Variants in PCNT observed in about 807,000 individuals in gnomAD.
PCNT encodes the protein pericentrin.
A neutral mutation model predicts 380.4 loss-of-function variants in PCNT; 319 were observed. That is an observed-to-expected ratio of 0.84 (90% CI 0.77 to 0.92). The LOEUF (loss-of-function observed/expected upper bound fraction) is 0.92. Ranked by LOEUF, PCNT falls within the 40% of genes least tolerant of loss-of-function variation. PCNT has a pLI of 0.00. For synonymous variants in PCNT, 1,845 were observed against 1,735.2 expected, an observed-to-expected ratio of 1.06 and a Z score of -1.57; for missense variants, 4,400 against 4,255.3, an observed-to-expected ratio of 1.03 and a Z score of -0.95.
intron 3 of PCNT, among the ~76,000 whole-genome samples, chr21:46,340,668 T>C (rs1001803559): frequency 6.6e-6 from 1 of 152,196 alleles, no homozygotes; most frequent in Non-Finnish European, 1.5e-5. Flanking sequence ...GCAGTGAGCC[T>C]ATCCACTTTG....
intron 2 of PCNT, among the ~76,000 whole-genome samples, chr21:46,328,365 C>T (rs1028973767): frequency 2.6e-5 from 4 of 151,678 alleles, no homozygotes; most frequent in African/African-American, 4.8e-5. Context: ...CAGGCTGAAG[C>T]GATCTTCCTG....
At chr21:46,360,087 G>A (rs149064868) in intron 13 of PCNT, among the ~76,000 whole-genome samples, 1,543 of 151,338 alleles carry the variant, frequency 0.01, 13 homozygotes, top group Middle Eastern at 0.021. Context: ...AAGCTCTTGG[G>A]CTCAAGTGAT....
Position 46,334,414 on chromosome 21 carries a change from A to C in PCNT, c.285A>C (p.Gly95=), listed in dbSNP as rs2083662781. 6.2e-7 allele frequency: 1 copy of C among 1,614,040 alleles called. No homozygotes were observed. The highest frequency in any genetic ancestry group is 1.7e-5 in the Admixed American group (1 of 59,998). The change falls in exon 3 of 47, where the codon GGA becomes GGC. Residue 95 remains glycine, a synonymous_variant. Coordinates refer to ENST00000359568, the MANE Select transcript of PCNT (RefSeq NM_006031.6). ...CTTCTTAGCCGGAGGACTGTGATGGAGAGAAGAGAGAGGACTTGGAACAGC... is the reference window on the plus strand; with the variant it reads ...CTTCTTAGCCGGAGGACTGTGATGGCGAGAAGAGAGAGGACTTGGAACAGC... ...AFAAQPEDCD[G]EKREDLEQLQ...
intron 3 of PCNT, 109 bp downstream of exon 3, chr21:46,334,877 A>G (rs2083683083): frequency 6.5e-7 from 1 of 1,539,032 alleles, no homozygotes; most frequent in Non-Finnish European, 8.9e-7. Flanking sequence ...GCCTCTCTTT[A>G]GAAGTGGAAA....
intron 9 of PCNT, among the ~76,000 whole-genome samples, chr21:46,352,681 A>G (rs2084316364): frequency 6.6e-6 from 1 of 152,226 alleles, no homozygotes. Context: ...CAGCTTACAG[A>G]AAGTCCAAGA....
chr21:46,351,360 C>A, intron 8 of PCNT, 69 bp from the exon 9 acceptor site: 1 of 852,620 alleles, frequency 1.2e-6, no homozygotes, highest in Non-Finnish European at 2.1e-6. Context: ...GATAAAACCG[C>A]ACACGTCACT....
chr21:46,363,599 G>A lies in PCNT; in HGVS notation c.2274G>A (p.Glu758=), dbSNP rs1413955829. Residue 758 remains glutamate, a synonymous_variant, in exon 14 of 47, where the codon GAG becomes GAA. Coordinates refer to ENST00000359568, the MANE Select transcript of PCNT (RefSeq NM_006031.6). The stretch of plus-strand genomic sequence containing the variant: ...CGGACTGGAAAGTTATGAAGGAGGA[G>A]CTACAGCGGGAAGCTGAGGAGAAGT... ...KETDWKVMKE[E]LQREAEEKLT... is the part of the protein sequence containing the mutation. 3 of 1,614,206 alleles carry A rather than the reference G, an allele frequency of 1.9e-6. No homozygotes were observed. The highest frequency in any genetic ancestry group is 2.2e-5 in the South Asian group (2 of 91,076).
Position 46,325,198 on chromosome 21 carries a change from C to T in PCNT, c.54+916C>T, listed in dbSNP as rs933082219. ...GCGAGGCGGAACCGCGGGAGCAGGC[C>T]GGCCTCTGCGAGGTGCGCGCCGCTC... is the stretch of plus-strand genomic sequence containing the variant. On this transcript the variant is annotated intron_variant, in intron 1 of 46. Coordinates refer to ENST00000359568, the MANE Select transcript of PCNT (RefSeq NM_006031.6). The T allele has an allele frequency of 4.1e-6, 4 of 985,306 alleles. No homozygotes were observed. In the African/African-American group the frequency reaches 5.2e-5, roughly 13 times the overall value. 61.0% of individuals were successfully genotyped at this position (985,306 alleles called of 1,614,324 possible).
At chr21:46,326,716 G>C (rs1460983522) in intron 2 of PCNT, 127 bp downstream of exon 2, 1 of 1,093,426 alleles carries the variant, frequency 9.1e-7, no homozygotes, top group Non-Finnish European at 1.4e-6. Flanking sequence ...TGTTATTTTA[G>C]TTTATAAAAA....
intron 21 of PCNT, among the ~76,000 whole-genome samples, chr21:46,395,108 G>C (rs926486498): frequency 6.6e-6 from 1 of 152,244 alleles, no homozygotes; most frequent in Non-Finnish European, 1.5e-5. Flanking sequence ...TACCGCAGCA[G>C]CATGTTTACA....
intron 37 of PCNT, chr21:46,430,894 C>T (rs531448810): frequency 3.2e-6 from 3 of 946,104 alleles, no homozygotes; most frequent in East Asian, 1.2e-4. Flanking sequence ...CTGCTCGGAG[C>T]CCCCCCCCGT....
In PCNT at chr21:46,332,957, T is replaced by TA. The variant is rs1163662180; in HGVS notation, c.268-1434dup. On this transcript the variant is annotated intron_variant, in intron 2 of 46. Coordinates refer to ENST00000359568, the MANE Select transcript of PCNT (RefSeq NM_006031.6). ...CAGAGACCCTGTCTCTACAAAAAAA[T>TA]AAAAAATAAGCTGGGCACAGTGGCG... Among the ~76,000 whole-genome samples, 3 of 151,650 alleles carry TA rather than the reference T, an allele frequency of 2.0e-5. No homozygotes were observed. The East Asian group carries it at 5.8e-4, about 29-fold the overall frequency.
At chr21:46,415,831 A>G (rs956263661) in intron 29 of PCNT, among the ~76,000 whole-genome samples, 2 of 152,156 alleles carry the variant, frequency 1.3e-5, no homozygotes, top group African/African-American at 2.4e-5. Flanking sequence ...TTTCCCTTGT[A>G]TGAAGCTTGT....
At chr21:46,348,248 TGTG>T (rs1364175976) in intron 6 of PCNT, 1 of 164,010 alleles carries the variant, frequency 6.1e-6, no homozygotes, top group Non-Finnish European at 1.3e-5. Flanking sequence ...AGGGTGACTG[TGTG>T]GATTAGGCCT....
intron 15 of PCNT, among the ~76,000 whole-genome samples, chr21:46,381,226 G>C (rs2147139068): frequency 8.3e-6 from 1 of 121,058 alleles, no homozygotes; most frequent in East Asian, 2.5e-4. Context: ...GTGTGTGTGT[G>C]TGTGTGTGTG....
At chr21:46,366,061 C>T (rs531927445) in intron 14 of PCNT, among the ~76,000 whole-genome samples, 124 of 151,334 alleles carry the variant, frequency 8.2e-4, no homozygotes, top group South Asian at 2.5e-3. Flanking sequence ...CACTCACTGC[C>T]TTGGGGTTCT....
At chr21:46,442,381 TC>T (rs991774741) in intron 43 of PCNT, 115 bp from the exon 44 acceptor site, 2 of 723,208 alleles carry the variant, frequency 2.8e-6, no homozygotes, top group Admixed American at 4.0e-5. Flanking sequence ...GGCGTCCTGG[TC>T]CCCATGGGCA....
rs151082262 is a variant in PCNT, at chr21:46,416,285, T to A, written c.6367T>A (p.Ser2123Thr). The A allele has an allele frequency of 6.2e-7, 1 of 1,613,966 alleles. No individual in the cohort carries two copies. Among genetic ancestry groups the A allele is most frequent in the African/African-American group, 1.3e-5 (1 of 74,888 alleles). ...DSCDGEEPDI[S>T]PHIDTCDANT... Reference sequence around the variant, plus strand: ...CTGTGACGGAGAAGAGCCTGACATATCACCCCACATAGACACATGTGATGC... The same window carrying A: ...CTGTGACGGAGAAGAGCCTGACATAACACCCCACATAGACACATGTGATGC... Residue 2123 changes from serine (S) to threonine (T), a missense_variant, in exon 30 of 47, where the codon TCA becomes ACA. Coordinates refer to ENST00000359568, the MANE Select transcript of PCNT (RefSeq NM_006031.6).
intron 3 of PCNT, among the ~76,000 whole-genome samples, chr21:46,335,347 T>C (rs1394535491): frequency 2.6e-5 from 4 of 152,180 alleles, no homozygotes; most frequent in Non-Finnish European, 5.9e-5. Context: ...TTTGTTAGCA[T>C]GTGGAGGAAA....
Sources: gnomAD v4.1 joint callset for allele counts (sites outside exome capture counted in the v4.1 genomes callset) on GRCh38, gnomAD v4.1.1 for gene constraint, MANE v1.5 for transcripts, NCBI Gene and HGNC (gene_info 2026-07-23, HGNC 2026-07-21) for gene names.